The following LSAMP variants were observed in gnomAD, a reference collection of about 807,000 sequenced individuals.
LSAMP encodes limbic system associated membrane protein.
LSAMP carries 7 observed loss-of-function variants against 38.6 expected under a neutral mutation model. That is an observed-to-expected ratio of 0.18 (90% confidence interval 0.10 to 0.34). The LOEUF is 0.34. Ranked by LOEUF, LSAMP falls within the 10% of genes least tolerant of loss-of-function variation. The probability of loss-of-function intolerance (pLI) is 1.00; values close to 1 mark genes in which losing one functional copy is unlikely to be tolerated. For synonymous variants in LSAMP, 154 were observed against 166.8 expected (o/e 0.92, Z 0.59); for missense variants, 313 against 420.0 (o/e 0.75, Z 2.23).
intron 1 of LSAMP, among the ~76,000 whole-genome samples, chr3:116,209,804 C>A (rs189819186): frequency 1.3e-5 from 2 of 151,990 alleles, no homozygotes; most frequent in Non-Finnish European, 2.9e-5. Context: ...CAGGCTGGAG[C>A]GCAGTGGCAC....
At chr3:116,405,691 C>T (rs187163695) in intron 1 of LSAMP, among the ~76,000 whole-genome samples, 7 of 152,184 alleles carry the variant, frequency 4.6e-5, no homozygotes, top group African/African-American at 1.7e-4. Flanking sequence ...TAATGAGTCT[C>T]ATGAATATTG....
chr3:115,948,382 C>T (rs1938171572), intron 3 of LSAMP, among the ~76,000 whole-genome samples: 1 of 152,002 alleles, frequency 6.6e-6, no homozygotes, highest in Non-Finnish European at 1.5e-5. Flanking sequence ...TGATAGGCCA[C>T]AAAACAAGTC....
At chr3:116,372,339 G>T (rs2048440140) in intron 1 of LSAMP, among the ~76,000 whole-genome samples, 1 of 152,002 alleles carries the variant, frequency 6.6e-6, no homozygotes, top group African/African-American at 2.4e-5. Flanking sequence ...ATTAACAAAT[G>T]GTGCTGGGAA....
At chr3:115,866,758 G>A (rs563737630) in intron 3 of LSAMP, among the ~76,000 whole-genome samples, 3 of 152,188 alleles carry the variant, frequency 2.0e-5, no homozygotes, top group South Asian at 4.1e-4. Flanking sequence ...GATGTAAAGT[G>A]AGCAGAATTG....
intron 1 of LSAMP, among the ~76,000 whole-genome samples, chr3:116,257,968 G>A (rs1313399458): frequency 6.6e-6 from 1 of 152,082 alleles, no homozygotes; most frequent in Non-Finnish European, 1.5e-5. Flanking sequence ...GCCTCATTAA[G>A]TATGAGTAAT....
chr3:115,878,741 C>A (rs1326959658), intron 3 of LSAMP, among the ~76,000 whole-genome samples: 1 of 151,860 alleles, frequency 6.6e-6, no homozygotes, highest in Non-Finnish European at 1.5e-5. Flanking sequence ...GGATTACAGG[C>A]GTGAGCCACC....
intron 3 of LSAMP, among the ~76,000 whole-genome samples, chr3:115,936,462 G>A (rs1305318800): frequency 6.6e-6 from 1 of 152,182 alleles, no homozygotes; most frequent in East Asian, 1.9e-4. Flanking sequence ...AATGCAGACA[G>A]AGTGAGGTGT....
chr3:116,062,457 G>A (rs1024579241), intron 2 of LSAMP, among the ~76,000 whole-genome samples: 2 of 152,098 alleles, frequency 1.3e-5, no homozygotes, highest in South Asian at 2.1e-4. Context: ...CGGAGGTTGC[G>A]GTGAGCCGGG....
intron 1 of LSAMP, among the ~76,000 whole-genome samples, chr3:116,149,606 G>A (rs1315269636): frequency 3.4e-5 from 3 of 87,144 alleles, no homozygotes; most frequent in Non-Finnish European, 4.7e-5. Flanking sequence ...CTACTTAGTT[G>A]TTGCCTATTT....
intron 3 of LSAMP, among the ~76,000 whole-genome samples, chr3:115,868,127 T>C (rs1935913386): frequency 6.6e-6 from 1 of 152,142 alleles, no homozygotes; most frequent in Admixed American, 6.6e-5. Context: ...TCAGGGATAA[T>C]GGAAAATTTA....
At chr3:116,083,728 A>G (rs181638654) in intron 2 of LSAMP, among the ~76,000 whole-genome samples, 314 of 152,346 alleles carry the variant, frequency 2.1e-3, no homozygotes, top group Non-Finnish European at 3.6e-3. Context: ...GTTAGGAAAA[A>G]GGGAGATGTC....
At chr3:115,828,221 A>C (rs1934488838) in intron 6 of LSAMP, among the ~76,000 whole-genome samples, 2 of 152,206 alleles carry the variant, frequency 1.3e-5, no homozygotes, top group Admixed American at 1.3e-4. Flanking sequence ...ATGTAGAGAA[A>C]GGAGCCAAGG....
chr3:116,163,313 AGAACATGTGGTGTTTGGTTTTTTGTTC>A (rs1385213025), intron 1 of LSAMP, among the ~76,000 whole-genome samples: 1 of 147,350 alleles, frequency 6.8e-6, no homozygotes, highest in African/African-American at 2.5e-5. Context: ...CCTATGAGTG[AGAACATGTGGTGTTTGGTTTTTTGTTC>A]TTGTGATAGT....
chr3:116,429,943 T>G (rs1413579601), intron 1 of LSAMP, among the ~76,000 whole-genome samples: 1 of 152,164 alleles, frequency 6.6e-6, no homozygotes. Flanking sequence ...AATGTTCAGT[T>G]AGAAATGAGA....
rs1933773849 is a variant in LSAMP, at chr3:115,810,223, C to A, written c.*94G>T. 6.7e-6 allele frequency: 2 copies of A among 298,722 alleles called. No individual in the cohort carries two copies. Among genetic ancestry groups the A allele is most frequent in the African/African-American group, 2.3e-5 (1 of 42,986 alleles). The allele number at this position is 298,722 out of a possible 1,614,324, so 18.5% of individuals were successfully genotyped here. ...TTGTGAAATAAACGGTCTCCCCCAT[C>A]TCTCTCTCTCTCTCTCTCTCTGTCT... On this transcript the variant is annotated 3_prime_UTR_variant, in exon 7 of 7. Coordinates refer to ENST00000490035, the MANE Select transcript of LSAMP (RefSeq NM_002338.5).
chr3:116,415,670 T>A (rs1177296697), intron 1 of LSAMP, among the ~76,000 whole-genome samples: 2 of 152,126 alleles, frequency 1.3e-5, no homozygotes, highest in African/African-American at 2.4e-5. Context: ...ATGCATTCAT[T>A]TGAAACTTCC....
intron 1 of LSAMP, among the ~76,000 whole-genome samples, chr3:116,219,997 A>G (rs1215578011): frequency 2.0e-5 from 3 of 152,166 alleles, no homozygotes; most frequent in Non-Finnish European, 4.4e-5. Flanking sequence ...GAAAATGGTG[A>G]AGTCCTGTCT....
intron 2 of LSAMP, among the ~76,000 whole-genome samples, chr3:116,027,298 G>A (rs1038084049): frequency 1.3e-5 from 2 of 152,148 alleles, no homozygotes; most frequent in Admixed American, 6.5e-5. Context: ...GTTAGTACAC[G>A]TCATGAAAGA....
intron 2 of LSAMP, among the ~76,000 whole-genome samples, chr3:116,062,612 C>T (rs1165308780): frequency 1.3e-5 from 2 of 152,114 alleles, no homozygotes; most frequent in Admixed American, 1.3e-4. Flanking sequence ...CTTCTTCAGA[C>T]ATAGACGGGA....
Sources: gnomAD v4.1 joint callset for allele counts (sites outside exome capture counted in the v4.1 genomes callset) on GRCh38, gnomAD v4.1.1 for gene constraint, MANE v1.5 for transcripts, NCBI Gene and HGNC (gene_info 2026-07-23, HGNC 2026-07-21) for gene names.